The following DCC variants were observed in gnomAD, a reference collection of about 807,000 sequenced individuals.
DCC encodes the protein netrin receptor DCC.
Under a neutral mutation model 172.5 loss-of-function variants are expected in DCC, and 58 were observed. The observed-to-expected ratio is 0.34, with a 90% confidence interval of 0.27 to 0.42. DCC has a LOEUF of 0.42. Among genes scored for constraint, DCC ranks in the 10% least tolerant of loss-of-function variants. The pLI is 1.00. For synonymous variants in DCC, 709 were observed against 644.5 expected, an observed-to-expected ratio of 1.10 and a Z score of -1.52; for missense variants, 1,740 against 1,791.0, an observed-to-expected ratio of 0.97 and a Z score of 0.51.
intron 1 of DCC, among the ~76,000 whole-genome samples, chr18:52,553,940 G>T (rs1195211054): frequency 6.6e-6 from 1 of 152,066 alleles, no homozygotes; most frequent in African/African-American, 2.4e-5. Flanking sequence ...AGAGTACAGA[G>T]CCAGGAGGAA....
intron 5 of DCC, among the ~76,000 whole-genome samples, chr18:52,941,870 C>T (rs1449772249): frequency 6.6e-6 from 1 of 152,058 alleles, no homozygotes; most frequent in East Asian, 1.9e-4. Flanking sequence ...GCAATCTCTG[C>T]CTGCCAGGTT....
chr18:53,309,992 A>G (rs1282363313), intron 13 of DCC, among the ~76,000 whole-genome samples: 7 of 140,702 alleles, frequency 5.0e-5, no homozygotes, highest in African/African-American at 1.9e-4. Flanking sequence ...ACTCTTTCTA[A>G]ATTTGAACTA....
chr18:53,313,091 G>A (rs990990160), intron 13 of DCC, among the ~76,000 whole-genome samples: 3 of 147,358 alleles, frequency 2.0e-5, no homozygotes, highest in African/African-American at 7.5e-5. Flanking sequence ...AAAAAGGAAG[G>A]AAGGGAGGGA....
At chr18:53,278,273 A>G (rs1009704871) in intron 12 of DCC, among the ~76,000 whole-genome samples, 2 of 152,160 alleles carry the variant, frequency 1.3e-5, no homozygotes, top group South Asian at 2.1e-4. Context: ...TTTTCTAGAA[A>G]AGACTAGAAT....
intron 15 of DCC, among the ~76,000 whole-genome samples, chr18:53,357,897 A>C (rs1357206028): frequency 6.6e-6 from 1 of 152,212 alleles, no homozygotes; most frequent in Non-Finnish European, 1.5e-5. Context: ...AAATTCATTT[A>C]CCTTGATATT....
At chr18:53,156,146 T>C (rs1408268239) in intron 7 of DCC, among the ~76,000 whole-genome samples, 1 of 152,170 alleles carries the variant, frequency 6.6e-6, no homozygotes, top group East Asian at 1.9e-4. Flanking sequence ...GGCTGTATCT[T>C]TTCTACTATG....
intron 2 of DCC, among the ~76,000 whole-genome samples, chr18:52,775,260 A>T (rs1391308129): frequency 1.3e-5 from 2 of 152,094 alleles, no homozygotes; most frequent in Non-Finnish European, 1.5e-5. Flanking sequence ...TGGGCAGGCT[A>T]TGGGGTTCCA....
At chr18:52,767,041 G>T (rs561621739) in intron 2 of DCC, among the ~76,000 whole-genome samples, 1 of 151,744 alleles carries the variant, frequency 6.6e-6, no homozygotes, top group African/African-American at 2.4e-5. Flanking sequence ...CATATCCTGT[G>T]TCTTTGCTGC....
chr18:53,295,237 T>C (rs1223134445), intron 12 of DCC, among the ~76,000 whole-genome samples: 1 of 152,076 alleles, frequency 6.6e-6, no homozygotes, highest in East Asian at 1.9e-4. Flanking sequence ...AATTTCTAAC[T>C]TCCCTTAATA....
chr18:53,024,854 A>G (rs2041934607), intron 5 of DCC, among the ~76,000 whole-genome samples: 1 of 152,128 alleles, frequency 6.6e-6, no homozygotes, highest in Non-Finnish European at 1.5e-5. Flanking sequence ...AGCACTAACA[A>G]TTTGCTGTAG....
chr18:52,446,910 A>T (rs2144507571), intron 1 of DCC, among the ~76,000 whole-genome samples: 1 of 152,304 alleles, frequency 6.6e-6, no homozygotes. Flanking sequence ...CCAGAGAGAC[A>T]TTTCAATTCA....
intron 5 of DCC, among the ~76,000 whole-genome samples, chr18:53,048,916 G>A (rs148646289): frequency 0.027 from 4,147 of 151,828 alleles, 95 homozygotes; most frequent in Middle Eastern, 0.071. Flanking sequence ...GTTTTGATTT[G>A]CATTTCTCTA....
intron 7 of DCC, among the ~76,000 whole-genome samples, chr18:53,119,866 A>G (rs1275218837): frequency 5.9e-5 from 9 of 151,846 alleles, no homozygotes; most frequent in East Asian, 1.9e-4. Context: ...TCTGGCCTCT[A>G]TATTCTACAC....
chr18:52,605,788 C>T (rs2034120209), intron 1 of DCC, among the ~76,000 whole-genome samples: 1 of 152,018 alleles, frequency 6.6e-6, no homozygotes, highest in African/African-American at 2.4e-5. Context: ...AAGGGCATTA[C>T]TTATGAAGGA....
chr18:52,488,982 A>G (rs999577692), intron 1 of DCC, among the ~76,000 whole-genome samples: 3 of 151,918 alleles, frequency 2.0e-5, no homozygotes, highest in African/African-American at 7.3e-5. Context: ...CTTTTTCTTC[A>G]TCATCTTTTT....
At chr18:53,413,486 T>C (rs1022809483) in intron 20 of DCC, among the ~76,000 whole-genome samples, 9 of 152,200 alleles carry the variant, frequency 5.9e-5, no homozygotes, top group African/African-American at 1.9e-4. Flanking sequence ...ATGGTCCCTG[T>C]TGGAAAATAC....
chr18:53,254,870 T>A (rs1237595453), intron 12 of DCC, among the ~76,000 whole-genome samples: 1 of 152,092 alleles, frequency 6.6e-6, no homozygotes, highest in East Asian at 1.9e-4. Flanking sequence ...ATAGTAATAT[T>A]GTTGCAATAA....
chr18:52,868,922 C>A (rs2039272741), intron 2 of DCC, among the ~76,000 whole-genome samples: 1 of 152,204 alleles, frequency 6.6e-6, no homozygotes, highest in South Asian at 2.1e-4. Context: ...TGCAAGGCTG[C>A]AGCTGGACCA....
intron 2 of DCC, among the ~76,000 whole-genome samples, chr18:52,787,176 CT>C (rs2037675707): frequency 1.3e-5 from 2 of 152,138 alleles, no homozygotes; most frequent in South Asian, 4.1e-4. Flanking sequence ...GTTGCTTTAA[CT>C]TTCTGAGTAC....
Sources: allele counts gnomAD v4.1 joint callset (sites outside exome capture counted in the v4.1 genomes callset), GRCh38; gene constraint gnomAD v4.1.1; transcripts MANE v1.5; gene names NCBI Gene and HGNC (gene_info 2026-07-23, HGNC 2026-07-21).